LMTK2: variants seen among roughly 807,000 people sequenced by gnomAD.
LMTK2 encodes serine/threonine-protein kinase LMTK2.
In LMTK2, 37 loss-of-function variants were observed where a neutral mutation model predicts 127.5. The observed-to-expected ratio is 0.29, with a 90% CI of 0.22 to 0.38. The LOEUF is 0.38. LMTK2 is among the 10% of genes least tolerant of loss of function. The probability of loss-of-function intolerance (pLI) is 1.00; values close to 1 mark genes in which losing one functional copy is unlikely to be tolerated. For synonymous variants in LMTK2, 819 were observed against 810.1 expected (o/e 1.01, Z -0.19); for missense variants, 1,694 against 1,920.3 (o/e 0.88, Z 2.20).
At chr7:98,185,319 G>A (rs1797416898) in intron 8 of LMTK2, among the ~76,000 whole-genome samples, 184 bp downstream of exon 8, 1 of 152,178 alleles carries the variant, frequency 6.6e-6, no homozygotes, top group Admixed American at 6.5e-5. Context: ...CTGCGGCTTT[G>A]CATCCGAGGT....
chr7:98,150,448 G>A (rs1796837590), intron 3 of LMTK2, among the ~76,000 whole-genome samples: 1 of 152,198 alleles, frequency 6.6e-6, no homozygotes, highest in African/African-American at 2.4e-5. Context: ...TCATGTTTTA[G>A]GAAGCAGTTG....
chr7:98,141,952 G>A (rs1020286374), intron 3 of LMTK2, among the ~76,000 whole-genome samples: 2 of 152,108 alleles, frequency 1.3e-5, no homozygotes, highest in Admixed American at 6.5e-5. Flanking sequence ...ACTTTTCTAA[G>A]CTTCTTCAGA....
chr7:98,118,335 A>C (rs1178036395), intron 1 of LMTK2, among the ~76,000 whole-genome samples: 1 of 152,140 alleles, frequency 6.6e-6, no homozygotes, highest in Non-Finnish European at 1.5e-5. Context: ...ATATGAACGA[A>C]ACCTCTTTGG....
chr7:98,156,623 T>C (rs1796930002), intron 5 of LMTK2, among the ~76,000 whole-genome samples: 1 of 152,110 alleles, frequency 6.6e-6, no homozygotes, highest in Non-Finnish European at 1.5e-5. Context: ...AAAACATACG[T>C]TAAGTTATAT....
Position 98,168,161 on chromosome 7 carries a change from TGGAGGGCTGGGGAGG to T in LMTK2, c.658-3368_658-3354del, listed in dbSNP as rs373992724. Among the ~76,000 whole-genome samples, 1,076 of 150,218 alleles carry T rather than the reference TGGAGGGCTGGGGAGG, an allele frequency of 7.2e-3. 14 individuals carry two copies. The highest frequency in any genetic ancestry group is 0.025 in the African/African-American group (1,020 of 40,850). ...TTTAACTACGGAAAGGAGAAAGAAG[TGGAGGGCTGGGGAGG>T]GGAGGGCTGGGTTTACCTGGGAGGT... is the stretch of plus-strand genomic sequence containing the variant. On this transcript the variant is annotated intron_variant, in intron 6 of 13. Transcript: ENST00000297293.
intron 5 of LMTK2, 78 bp downstream of exon 5, chr7:98,154,954 A>C (rs1796906889): frequency 1.2e-6 from 1 of 811,502 alleles, no homozygotes; most frequent in East Asian, 2.5e-5. Context: ...CTACTGTGGG[A>C]TTTCTGCCTG....
At chr7:98,165,664 C>T (rs1023448900) in intron 6 of LMTK2, among the ~76,000 whole-genome samples, 26 of 152,038 alleles carry the variant, frequency 1.7e-4, no homozygotes, top group South Asian at 2.1e-4. Context: ...TTAGAATTGG[C>T]CTCTTTGGTG....
chr7:98,152,430 C>T (rs1796872516), intron 4 of LMTK2, among the ~76,000 whole-genome samples: 1 of 152,220 alleles, frequency 6.6e-6, no homozygotes, highest in Non-Finnish European at 1.5e-5. Context: ...TCTTTCATGT[C>T]CTCCCAACTG....
At chr7:98,182,386 C>T (rs1451587963) in intron 7 of LMTK2, among the ~76,000 whole-genome samples, 1 of 152,178 alleles carries the variant, frequency 6.6e-6, no homozygotes, top group Non-Finnish European at 1.5e-5. Flanking sequence ...TCGTGCAACT[C>T]AACAACAAAA....
At chr7:98,161,360 T>C (rs573235059) in intron 6 of LMTK2, among the ~76,000 whole-genome samples, 4 of 152,304 alleles carry the variant, frequency 2.6e-5, no homozygotes, top group Admixed American at 2.6e-4. Flanking sequence ...TCTCTCTCCA[T>C]GTAAGGAAAA....
chr7:98,151,801 C>G (rs1584265442), intron 4 of LMTK2, among the ~76,000 whole-genome samples: 1 of 152,206 alleles, frequency 6.6e-6, no homozygotes, highest in Non-Finnish European at 1.5e-5. Context: ...GTGGCACTTT[C>G]CTGCTGCGTC....
Position 98,193,889 on chromosome 7 carries a change from C to T in LMTK2, c.3424C>T (p.Pro1142Ser), listed in dbSNP as rs1184730133. Residue 1142 changes from proline (P) to serine (S), a missense_variant, in exon 11 of 14, where the codon CCC (proline) becomes TCC (serine). This residue lies in a region of LMTK2 where 554 missense variants were observed against 567.7 expected (regional missense o/e 0.98). Coordinates refer to ENST00000297293, the MANE Select transcript of LMTK2 (RefSeq NM_014916.4). The surrounding 1 kb of genome is among the most constrained non-coding windows in gnomAD (Gnocchi z 4.1). ...QEQPLPEPVL[P>S]EQSPAAQDSC... ...GCAGCCCCTACCCGAGCCAGTCCTC[C>T]CCGAGCAAAGTCCTGCTGCCCAGGA... 1 of 1,614,000 alleles carries T rather than the reference C, an allele frequency of 6.2e-7. No individual in the cohort carries two copies. The highest frequency in any genetic ancestry group is 1.7e-5 in the Admixed American group (1 of 60,004).
chr7:98,154,737 A>G (rs748763723), intron 4 of LMTK2, 21 bp from the exon 5 acceptor site: 1 of 1,495,788 alleles, frequency 6.7e-7, no homozygotes, highest in African/African-American at 1.4e-5. Flanking sequence ...AATGACACAA[A>G]AAACTGTTCT....
intron 11 of LMTK2, among the ~76,000 whole-genome samples, chr7:98,195,876 G>A (rs11764933): frequency 0.37 from 56,800 of 152,024 alleles, 13,485 homozygotes; most frequent in Middle Eastern, 0.62. Context: ...CATATATGGC[G>A]GGGAAGTGGA....
intron 11 of LMTK2, among the ~76,000 whole-genome samples, chr7:98,202,481 AT>A (rs1201175322): frequency 6.6e-6 from 1 of 152,050 alleles, no homozygotes; most frequent in Admixed American, 6.5e-5. Flanking sequence ...ATGTGAAGTA[AT>A]TTTAGCTTTT....
chr7:98,185,301 G>A (rs1351696693), intron 8 of LMTK2, among the ~76,000 whole-genome samples, 166 bp downstream of exon 8: 1 of 152,216 alleles, frequency 6.6e-6, no homozygotes, highest in Admixed American at 6.5e-5. Context: ...CGTGTGGCTT[G>A]TGTAAGTCTG....
At chr7:98,119,103 A>G (rs1254148797) in intron 1 of LMTK2, among the ~76,000 whole-genome samples, 3 of 152,046 alleles carry the variant, frequency 2.0e-5, no homozygotes, top group African/African-American at 2.4e-5. Context: ...AAAAAAAAAA[A>G]AAAAAAAGAA....
At chr7:98,117,520 C>T (rs760504700) in intron 1 of LMTK2, among the ~76,000 whole-genome samples, 14 of 152,028 alleles carry the variant, frequency 9.2e-5, no homozygotes, top group East Asian at 1.9e-4. Flanking sequence ...CTGGGTGCCC[C>T]GCTGACATAT....
chr7:98,153,575 C>T lies in LMTK2; in HGVS notation c.451-1183C>T, dbSNP rs114742110. ...GACAACCCTCTTGAAGAGTTTTACT[C>T]CTCAAGGAGCAATAGGCTGGACGCG... On this transcript the variant is annotated intron_variant, in intron 4 of 13. Transcript: ENST00000297293. 6.7e-3 allele frequency among the ~76,000 whole-genome samples: 1,024 copies of T among 152,250 alleles called. 9 individuals carry two copies. The highest frequency in any genetic ancestry group is 0.027 in the Middle Eastern group (8 of 294).
Sources: allele counts gnomAD v4.1 joint callset (sites outside exome capture counted in the v4.1 genomes callset), GRCh38; gene constraint gnomAD v4.1.1; regional missense constraint gnomAD v4.1.1; non-coding constraint Gnocchi (gnomAD v3.1); transcripts MANE v1.5; gene names NCBI Gene and HGNC (gene_info 2026-07-23, HGNC 2026-07-21).